The following SAMMSON variants were observed in gnomAD, a reference collection of about 807,000 sequenced individuals.
SAMMSON encodes the protein survival associated mitochondrial melanoma specific oncogenic non-coding RNA.
At chr3:70,114,145 G>A (rs764219212) in intron 4 of SAMMSON, among the ~76,000 whole-genome samples, 7 of 152,172 alleles carry the variant, frequency 4.6e-5, no homozygotes, top group Non-Finnish European at 8.8e-5. Context: ...CCAGAGGAGC[G>A]GGTCAGAAGG....
intron 4 of SAMMSON, among the ~76,000 whole-genome samples, chr3:70,216,794 AG>A (rs1242272910): frequency 1.3e-5 from 2 of 152,090 alleles, no homozygotes; most frequent in Non-Finnish European, 2.9e-5. Context: ...TTGCCCCCCA[AG>A]GGAATGGATA....
intron 2 of SAMMSON, among the ~76,000 whole-genome samples, chr3:70,404,182 C>T (rs1300662798): frequency 2.0e-5 from 3 of 151,830 alleles, no homozygotes; most frequent in Non-Finnish European, 2.9e-5. Flanking sequence ...TTCTTATGAT[C>T]ATTATAATGG....
intron 4 of SAMMSON, chr3:70,197,128 A>G (rs2106716755): frequency 2.5e-6 from 1 of 398,590 alleles, no homozygotes; most frequent in East Asian, 3.6e-5. Context: ...GGGGAGCATC[A>G]GGAGACAGTC....
At chr3:70,361,009 A>G (rs1387410208) in intron 9 of SAMMSON, among the ~76,000 whole-genome samples, 1 of 152,164 alleles carries the variant, frequency 6.6e-6, no homozygotes, top group African/African-American at 2.4e-5. Flanking sequence ...TTAAAACTCT[A>G]TATGAGGTAG....
intron 3 of SAMMSON, among the ~76,000 whole-genome samples, chr3:70,034,328 A>G (rs73836009): frequency 0.046 from 7,059 of 152,298 alleles, 373 homozygotes; most frequent in African/African-American, 0.13. Context: ...TTAAAAGGCT[A>G]TATTTAGTAA....
At chr3:70,124,732 G>A (rs1576128133) in intron 4 of SAMMSON, among the ~76,000 whole-genome samples, 3 of 147,362 alleles carry the variant, frequency 2.0e-5, no homozygotes, top group African/African-American at 2.5e-5. Flanking sequence ...GGAGAATGGC[G>A]TGAACCCGGG....
intron 4 of SAMMSON, among the ~76,000 whole-genome samples, chr3:70,224,358 C>T (rs1701485084): frequency 6.6e-6 from 1 of 152,152 alleles, no homozygotes; most frequent in South Asian, 2.1e-4. Flanking sequence ...ATGGTGCAAA[C>T]TTCCATGGCT....
chr3:70,327,835 G>GA (rs1702590158), intron 7 of SAMMSON, among the ~76,000 whole-genome samples: 1 of 151,922 alleles, frequency 6.6e-6, no homozygotes, highest in Non-Finnish European at 1.5e-5. Context: ...CACTGTCCCA[G>GA]AAAAAAAGGT....
intron 4 of SAMMSON, among the ~76,000 whole-genome samples, chr3:70,073,405 C>T (rs567413869): frequency 5.3e-5 from 8 of 152,150 alleles, no homozygotes; most frequent in Non-Finnish European, 7.4e-5. Context: ...TGGTTCTCTA[C>T]TGGCCCTAGA....
intron 9 of SAMMSON, among the ~76,000 whole-genome samples, chr3:70,378,067 T>A (rs1449500245): frequency 6.6e-6 from 1 of 151,734 alleles, no homozygotes; most frequent in African/African-American, 2.4e-5. Flanking sequence ...ATCCCTTCTT[T>A]CCCAGCAATT....
intron 6 of SAMMSON, among the ~76,000 whole-genome samples, chr3:70,264,504 T>G (rs937417033): frequency 6.6e-6 from 1 of 152,238 alleles, no homozygotes; most frequent in Non-Finnish European, 1.5e-5. Context: ...ATTCTCTCCC[T>G]GTTAGAGAAT....
At chr3:70,418,289 C>T (rs1045585103) in intron 2 of SAMMSON, among the ~76,000 whole-genome samples, 1 of 152,176 alleles carries the variant, frequency 6.6e-6, no homozygotes. Flanking sequence ...TAGAAAACTC[C>T]AGGTAAACAA....
intron 4 of SAMMSON, among the ~76,000 whole-genome samples, chr3:70,116,277 G>A: frequency 6.9e-6 from 1 of 144,698 alleles, no homozygotes; most frequent in African/African-American, 2.6e-5. Flanking sequence ...AGTTTTAGGA[G>A]AAGGGCGATG....
chr3:70,066,669 G>C (rs1160482729), intron 3 of SAMMSON, among the ~76,000 whole-genome samples: 4 of 152,020 alleles, frequency 2.6e-5, no homozygotes, highest in Admixed American at 2.6e-4. Flanking sequence ...TATGCTGCTG[G>C]TAAAAAATAG....
chr3:70,179,972 G>T (rs1701039322), intron 4 of SAMMSON, among the ~76,000 whole-genome samples: 1 of 151,168 alleles, frequency 6.6e-6, no homozygotes. Context: ...CTCATCATGG[G>T]ATAGATTTTT....
intron 1 of SAMMSON, among the ~76,000 whole-genome samples, chr3:70,010,571 A>G (rs1179179323): frequency 6.6e-6 from 1 of 152,152 alleles, no homozygotes; most frequent in Non-Finnish European, 1.5e-5. Flanking sequence ...GGTTCCTGTT[A>G]AAACCCCAAC....
chr3:70,373,674 G>A lies in SAMMSON; in HGVS notation n.913+15350G>A, dbSNP rs191833416. Among the ~76,000 whole-genome samples, 197 of 152,058 alleles carry A rather than the reference G, an allele frequency of 1.3e-3. 1 individual carries two copies. The highest frequency in any genetic ancestry group is 4.7e-3 in the African/African-American group (194 of 41,504). On this transcript the variant is annotated intron_variant and non_coding_transcript_variant, in intron 9 of 9. Transcript: ENST00000642114. ...TTGTTTTCAATTTCTTTTCAGAATG[G>A]CCAGTTTCTGTTGTTTTACCTTCAA...
chr3:70,066,109 A>C (rs2067209722), intron 3 of SAMMSON, among the ~76,000 whole-genome samples: 1 of 152,070 alleles, frequency 6.6e-6, no homozygotes, highest in African/African-American at 2.4e-5. Context: ...CAAAACTCAA[A>C]TGGTGCCTCG....
chr3:70,322,250 G>A (rs1419841963), intron 7 of SAMMSON, among the ~76,000 whole-genome samples: 1 of 152,056 alleles, frequency 6.6e-6, no homozygotes, highest in Non-Finnish European at 1.5e-5. Context: ...ATTGACCGAG[G>A]TATGATTATG....
Sources: gnomAD v4.1 joint callset for allele counts (sites outside exome capture counted in the v4.1 genomes callset) on GRCh38, gnomAD v4.1.1 for gene constraint, MANE v1.5 for transcripts, NCBI Gene and HGNC (gene_info 2026-07-23, HGNC 2026-07-21) for gene names.